Variants in HECW1 observed in about 807,000 individuals in gnomAD.
The protein encoded by HECW1 is E3 ubiquitin-protein ligase HECW1.
Under a neutral mutation model 182.3 loss-of-function variants are expected in HECW1, and 61 were observed. The observed-to-expected ratio is 0.33, with a 90% CI of 0.27 to 0.41. The LOEUF (loss-of-function observed/expected upper bound fraction) is 0.41. HECW1 is among the 10% of genes least tolerant of loss of function. HECW1 has a pLI of 1.00. For synonymous variants in HECW1, 859 were observed against 832.6 expected, an observed-to-expected ratio of 1.03 and a Z score of -0.55; for missense variants, 1,739 against 2,108.9, an observed-to-expected ratio of 0.82 and a Z score of 3.44.
chr7:43,244,006 T>C lies in HECW1; in HGVS notation c.27+74T>C. On this transcript the variant is annotated intron_variant, in intron 3 of 29. Coordinates refer to ENST00000395891, the MANE Select transcript of HECW1 (RefSeq NM_015052.5). ...TAAACCCACTCCACTCATAATGGAA[T>C]GTGCCTCAGCCTAGGGCCATTGCGG... is the stretch of plus-strand genomic sequence containing the variant. 3 of 1,218,422 alleles carry C rather than the reference T, an allele frequency of 2.5e-6. No individual in the cohort carries two copies. The South Asian group carries it at 3.6e-5, about 15-fold the overall frequency. 75.5% of individuals were successfully genotyped at this position (1,218,422 alleles called of 1,614,324 possible).
At position 43,326,177 on chromosome 7, in the gene HECW1, G is replaced by A. The variant is rs923818564; in HGVS notation, c.460+5435G>A. On this transcript the variant is annotated intron_variant, in intron 5 of 29. Transcript: ENST00000395891. ...TGCCCCTTCAACCTCTCTTACAAGGGCATTAATCCCATTTAAATCATCATC... is the reference window on the plus strand; with the variant it reads ...TGCCCCTTCAACCTCTCTTACAAGGACATTAATCCCATTTAAATCATCATC... Among the ~76,000 whole-genome samples the A allele has an allele frequency of 5.9e-5, 9 of 152,244 alleles. No homozygotes were observed. The East Asian group carries it at 1.5e-3, about 26-fold the overall frequency.
intron 8 of HECW1, among the ~76,000 whole-genome samples, chr7:43,433,733 G>A (rs528880601): frequency 6.6e-6 from 1 of 152,292 alleles, no homozygotes; most frequent in South Asian, 2.1e-4. Flanking sequence ...ATGAAGAAAT[G>A]ACCTATGGAA....
chr7:43,330,601 A>G (rs78513574), intron 5 of HECW1, among the ~76,000 whole-genome samples: 1 of 152,248 alleles, frequency 6.6e-6, no homozygotes, highest in Non-Finnish European at 1.5e-5. Flanking sequence ...GATGTCATCA[A>G]TATGACCTGC....
intron 5 of HECW1, among the ~76,000 whole-genome samples, chr7:43,334,008 G>T (rs940038485): frequency 2.6e-5 from 4 of 152,308 alleles, no homozygotes; most frequent in Admixed American, 6.5e-5. Flanking sequence ...GCAGTGGAAA[G>T]GGAGAATTTT....
intron 3 of HECW1, among the ~76,000 whole-genome samples, chr7:43,284,121 C>T (rs1804288113): frequency 6.6e-6 from 1 of 152,128 alleles, no homozygotes; most frequent in African/African-American, 2.4e-5. Flanking sequence ...GGGCGGGGAC[C>T]CTTCTCACCT....
In HECW1 at chr7:43,521,545, T is replaced by C. The variant is rs147349324; in HGVS notation, c.4019+12424T>C. ...AATATATGTGTTTTTCCAAAATTCA[T>C]AGGTTGAAACTTAACCCCCAAGGTG... On this transcript the variant is annotated intron_variant, in intron 24 of 29. Transcript: ENST00000395891. Among the ~76,000 whole-genome samples the C allele has an allele frequency of 5.6e-3, 853 of 152,320 alleles. 5 individuals are homozygous for C. Among genetic ancestry groups the C allele is most frequent in the Non-Finnish European group, 8.5e-3 (577 of 68,034 alleles).
At chr7:43,550,786 G>A (rs1027900739) in intron 27 of HECW1, among the ~76,000 whole-genome samples, 195 bp downstream of exon 27, 7 of 152,202 alleles carry the variant, frequency 4.6e-5, no homozygotes, top group African/African-American at 1.7e-4. Context: ...GGGCTGAGGG[G>A]TCAGAGTTCT....
intron 3 of HECW1, among the ~76,000 whole-genome samples, chr7:43,247,925 G>A (rs943924129): frequency 1.8e-5 from 2 of 112,900 alleles, no homozygotes; most frequent in African/African-American, 1.1e-4. Context: ...GGAAGGGAAA[G>A]AGGAAAAAAG....
intron 3 of HECW1, among the ~76,000 whole-genome samples, chr7:43,306,686 T>C (rs539126745): frequency 8.1e-4 from 123 of 152,292 alleles, no homozygotes; most frequent in Admixed American, 1.7e-3. Flanking sequence ...ATTTCTGAGA[T>C]GGCACTCACT....
intron 2 of HECW1, among the ~76,000 whole-genome samples, chr7:43,181,383 A>G (rs539530247): frequency 6.6e-6 from 1 of 151,098 alleles, no homozygotes; most frequent in South Asian, 2.1e-4. Context: ...TGGATCATAT[A>G]GTAGTTCTAT....
intron 17 of HECW1, among the ~76,000 whole-genome samples, chr7:43,488,324 G>GAGGAAGGAAGGA (rs200213322): frequency 2.6e-4 from 11 of 42,230 alleles, no homozygotes; most frequent in Admixed American, 7.0e-4. Context: ...AAGAAAGAAA[G>GAGGAAGGAAGGA]AGGAAGGAAG....
chr7:43,393,307 C>T (rs1225937415), intron 6 of HECW1, among the ~76,000 whole-genome samples: 1 of 152,166 alleles, frequency 6.6e-6, no homozygotes, highest in Non-Finnish European at 1.5e-5. Context: ...GGCCTGCAGC[C>T]TCAGGTTGCT....
chr7:43,315,135 G>A (rs192512528), intron 4 of HECW1, among the ~76,000 whole-genome samples: 152 of 152,330 alleles, frequency 1.0e-3, no homozygotes, highest in African/African-American at 3.4e-3. Context: ...ATAAGAGGGG[G>A]AAGATACCTG....
chr7:43,247,282 A>G (rs1352556927), intron 3 of HECW1, among the ~76,000 whole-genome samples: 1 of 152,212 alleles, frequency 6.6e-6, no homozygotes, highest in Non-Finnish European at 1.5e-5. Context: ...TGTTTAGGGC[A>G]TGTGCTAGAT....
intron 11 of HECW1, among the ~76,000 whole-genome samples, chr7:43,445,842 G>A (rs1562989178): frequency 6.6e-6 from 1 of 152,180 alleles, no homozygotes; most frequent in Non-Finnish European, 1.5e-5. Context: ...TTCTATGTTT[G>A]TTTTAACTAA....
At chr7:43,424,639 AT>A (rs1241643538) in intron 8 of HECW1, among the ~76,000 whole-genome samples, 6 of 151,868 alleles carry the variant, frequency 4.0e-5, no homozygotes, top group Admixed American at 1.3e-4. Context: ...AAATAAAAAA[AT>A]AAATAAATAA....
intron 17 of HECW1, among the ~76,000 whole-genome samples, chr7:43,482,921 TAATAA>T (rs777100105): frequency 1.2e-4 from 18 of 151,882 alleles, no homozygotes; most frequent in Non-Finnish European, 2.2e-4. Flanking sequence ...ACAAAACAAA[TAATAA>T]AATAAAATAA....
At chr7:43,460,558 G>T (rs184401771) in intron 13 of HECW1, among the ~76,000 whole-genome samples, 2 of 151,760 alleles carry the variant, frequency 1.3e-5, no homozygotes, top group South Asian at 2.1e-4. Flanking sequence ...GTGCGTGTGT[G>T]CGTGTGTGTG....
At chr7:43,453,479 G>C (rs6975459) in intron 12 of HECW1, among the ~76,000 whole-genome samples, 1,860 of 152,278 alleles carry the variant, frequency 0.012, 41 homozygotes, top group African/African-American at 0.042. Context: ...CCAACACTTG[G>C]TTTCGATCAT....
Sources: allele counts gnomAD v4.1 joint callset (sites outside exome capture counted in the v4.1 genomes callset), GRCh38; gene constraint gnomAD v4.1.1; transcripts MANE v1.5; gene names NCBI Gene and HGNC (gene_info 2026-07-23, HGNC 2026-07-21).